The following DLG2 variants were observed in gnomAD, a reference collection of about 807,000 sequenced individuals.
DLG2 encodes the protein disks large homolog 2.
In DLG2, 45 loss-of-function variants were observed where a neutral mutation model predicts 132.5. The ratio of observed to expected loss-of-function variants is 0.34; its 90% CI spans 0.27 to 0.44. The LOEUF is 0.44. Ranked by LOEUF, DLG2 falls within the 20% of genes least tolerant of loss-of-function variation. The pLI, the probability that DLG2 is intolerant of heterozygous loss-of-function variation, is 1.00. For missense variants in DLG2, 1,045 were observed against 1,196.9 expected, an observed-to-expected ratio of 0.87 and a Z score of 1.87; for synonymous variants, 424 against 419.6, an observed-to-expected ratio of 1.01 and a Z score of -0.13.
intron 16 of DLG2, among the ~76,000 whole-genome samples, chr11:83,871,949 C>A (rs1319669910): frequency 6.6e-6 from 1 of 151,888 alleles, no homozygotes; most frequent in Non-Finnish European, 1.5e-5. Context: ...CCAATATGTA[C>A]CTGATACTTT....
rs538056230 is a variant in DLG2, at chr11:84,103,166, C to G, written c.625-4119G>C. Among the ~76,000 whole-genome samples the G allele has an allele frequency of 3.3e-5, 5 of 152,236 alleles. No individual in the cohort carries two copies. The South Asian group carries it at 1.0e-3, about 32-fold the overall frequency. ...TCAGCTAAGGAAATGATTTAAAGAG[C>G]TTTCACCTCCCTTTATTGTTCTCTT... On this transcript the variant is annotated intron_variant, in intron 9 of 27. Transcript: ENST00000376104.
intron 8 of DLG2, among the ~76,000 whole-genome samples, chr11:84,202,775 A>G (rs6592171): frequency 0.054 from 8,238 of 152,260 alleles, 677 homozygotes; most frequent in African/African-American, 0.18. Flanking sequence ...ACACACACAC[A>G]CACACACAAA....
At chr11:83,571,749 A>G (rs1457534424) in intron 19 of DLG2, among the ~76,000 whole-genome samples, 4 of 152,194 alleles carry the variant, frequency 2.6e-5, no homozygotes, top group Admixed American at 1.3e-4. Context: ...CTAAATGGAA[A>G]GCTGATTATA....
intron 3 of DLG2, among the ~76,000 whole-genome samples, chr11:85,514,801 A>G (rs550322807): frequency 6.6e-6 from 1 of 152,002 alleles, no homozygotes; most frequent in South Asian, 2.1e-4. Context: ...TTCAGGAAGG[A>G]GTCACTCCCC....
chr11:84,528,996 G>C (rs1310073585), intron 7 of DLG2, among the ~76,000 whole-genome samples: 1 of 152,186 alleles, frequency 6.6e-6, no homozygotes, highest in Non-Finnish European at 1.5e-5. Context: ...GCTTTAGGTT[G>C]GTAGCCTGAA....
intron 3 of DLG2, among the ~76,000 whole-genome samples, chr11:85,542,094 C>T (rs1194342699): frequency 2.0e-5 from 3 of 152,134 alleles, no homozygotes; most frequent in East Asian, 3.8e-4. Context: ...CATTCGTGTG[C>T]CCACAGAGAA....
At chr11:83,789,876 C>G in intron 17 of DLG2, 1 of 559,526 alleles carries the variant, frequency 1.8e-6, no homozygotes, top group Non-Finnish European at 2.9e-6. Context: ...ATAGTTATGG[C>G]AGCAAAAGAT....
intron 6 of DLG2, among the ~76,000 whole-genome samples, chr11:84,705,929 T>C (rs971760323): frequency 8.6e-5 from 13 of 151,824 alleles, no homozygotes; most frequent in Admixed American, 4.6e-4. Context: ...GTAAGCACTA[T>C]AGCAGTAGCT....
chr11:84,604,631 C>T (rs1363917041), intron 6 of DLG2, among the ~76,000 whole-genome samples: 1 of 151,728 alleles, frequency 6.6e-6, no homozygotes, highest in East Asian at 1.9e-4. Flanking sequence ...AAAAAATAAA[C>T]CAGAAAGTAA....
intron 3 of DLG2, among the ~76,000 whole-genome samples, chr11:85,351,340 A>G (rs918093303): frequency 3.3e-5 from 5 of 152,184 alleles, no homozygotes; most frequent in Admixed American, 6.5e-5. Context: ...TAAATATACA[A>G]TCATGTCAAC....
chr11:84,122,192 C>T (rs1309390618), intron 9 of DLG2, among the ~76,000 whole-genome samples: 1 of 151,900 alleles, frequency 6.6e-6, no homozygotes, highest in East Asian at 2.0e-4. Context: ...TGATGGTGCA[C>T]ACCTGTAATC....
At chr11:85,525,105 A>AGG (rs1378257682) in intron 3 of DLG2, 1 of 152,214 alleles carries the variant, frequency 6.6e-6, no homozygotes, top group African/African-American at 2.4e-5. Flanking sequence ...ACATCCATTT[A>AGG]CACTATATAA....
intron 6 of DLG2, among the ~76,000 whole-genome samples, chr11:84,700,568 T>C (rs2059117728): frequency 6.6e-6 from 1 of 151,644 alleles, no homozygotes; most frequent in South Asian, 2.1e-4. Context: ...TGGCATTGTA[T>C]GGTAACATTA....
At chr11:84,023,626 T>C (rs2095460598) in intron 11 of DLG2, among the ~76,000 whole-genome samples, 1 of 152,120 alleles carries the variant, frequency 6.6e-6, no homozygotes, top group African/African-American at 2.4e-5. Flanking sequence ...TCTCAATAAA[T>C]ATATTGGAAA....
Position 84,934,515 on chromosome 11 carries a change from G to GGTTTTTTTTTT in DLG2, c.357+177145_357+177146insAAAAAAAAAAC, listed in dbSNP as rs1566441569. 2.2e-3 allele frequency among the ~76,000 whole-genome samples: 90 copies of GGTTTTTTTTTT among 40,458 alleles called. 3 individuals are homozygous for GGTTTTTTTTTT. Among genetic ancestry groups the GGTTTTTTTTTT allele is most frequent in the African/African-American group, 3.7e-3 (36 of 9,654 alleles). 26.5% of individuals were successfully genotyped at this position (40,458 alleles called of 152,430 possible). On this transcript the variant is annotated intron_variant, in intron 6 of 27. Transcript: ENST00000376104. ...GTATGGTCCTGGGTGTTTTTTTTTT[G>GGTTTTTTTTTT]TTTTGTTTTGTTTTTTTTTTTTTTT...
At chr11:84,708,579 C>A (rs962693219) in intron 6 of DLG2, among the ~76,000 whole-genome samples, 1 of 151,682 alleles carries the variant, frequency 6.6e-6, no homozygotes, top group Non-Finnish European at 1.5e-5. Context: ...AAATTTTAAA[C>A]CCCAGAGCTC....
At chr11:85,585,624 T>C (rs541267992) in intron 3 of DLG2, among the ~76,000 whole-genome samples, 1 of 152,334 alleles carries the variant, frequency 6.6e-6, no homozygotes, top group African/African-American at 2.4e-5. Context: ...TAATCATAAA[T>C]GAGTGCTGGA....
chr11:84,657,949 T>C (rs1333113284), intron 6 of DLG2, among the ~76,000 whole-genome samples: 6 of 152,204 alleles, frequency 3.9e-5, no homozygotes, highest in Non-Finnish European at 7.3e-5. Context: ...TAGTTGGGCA[T>C]ATAACCATAT....
In DLG2 at chr11:84,312,489, C is replaced by T. The variant is rs535443707; in HGVS notation, c.520-61198G>A. Among the ~76,000 whole-genome samples the T allele has an allele frequency of 6.0e-4, 92 of 152,088 alleles. 1 individual carries two copies. The highest frequency in any genetic ancestry group is 2.1e-3 in the African/African-American group (87 of 41,492). ...CTGCATCTCAAAACACACAAACAAA[C>T]GAACAAAACAAAACAAAAAACCCAG... On this transcript the variant is annotated intron_variant, in intron 7 of 27. Transcript: ENST00000376104.
Sources: gnomAD v4.1 joint callset for allele counts (sites outside exome capture counted in the v4.1 genomes callset) on GRCh38, gnomAD v4.1.1 for gene constraint, MANE v1.5 for transcripts, NCBI Gene and HGNC (gene_info 2026-07-23, HGNC 2026-07-21) for gene names.